The following SLC24A2 variants were observed in gnomAD, a reference collection of about 807,000 sequenced individuals.
SLC24A2 encodes the protein solute carrier family 24 member 2.
SLC24A2 carries 36 observed loss-of-function variants against 62.0 expected under a neutral mutation model. The ratio of observed to expected loss-of-function variants is 0.58; its 90% CI spans 0.44 to 0.77. The LOEUF is 0.77. Among genes scored for constraint, SLC24A2 ranks in the 30% least tolerant of loss-of-function variants. The pLI, the probability that SLC24A2 is intolerant of heterozygous loss-of-function variation, is 0.00. For missense variants in SLC24A2, 846 were observed against 817.9 expected, an observed-to-expected ratio of 1.03 and a Z score of -0.42; for synonymous variants, 358 against 294.0, an observed-to-expected ratio of 1.22 and a Z score of -2.23.
chr9:19,755,825 G>A (rs1271388473), intron 2 of SLC24A2, among the ~76,000 whole-genome samples: 1 of 152,114 alleles, frequency 6.6e-6, no homozygotes, highest in Non-Finnish European at 1.5e-5. Context: ...TTGTCACCTG[G>A]TTATTATAAT....
chr9:19,786,391 G>A lies in SLC24A2; in HGVS notation c.476C>T (p.Pro159Leu). The change falls in exon 2 of 11, where the codon CCT (proline) becomes CTT (leucine). Residue 159 changes from proline (P) to leucine (L), a missense_variant. By Grantham distance (98) the Pro-to-Leu change is moderately conservative. Transcript: ENST00000341998. The surrounding 1 kb of genome is among the most constrained non-coding windows in gnomAD (Gnocchi z 5.0). Reference protein sequence around the residue: ...LAIVCDEFFVPSLTVITEKLG... With the variant: ...LAIVCDEFFVLSLTVITEKLG... ...TTTTTCAGTGATGACAGTCAAAGAA[G>A]GAACAAAGAACTCATCACAGACAAT... is the stretch of plus-strand genomic sequence containing the variant. 6.2e-7 allele frequency: 1 copy of A among 1,614,180 alleles called. No homozygotes were observed. Among genetic ancestry groups the A allele is most frequent in the Non-Finnish European group, 8.5e-7 (1 of 1,180,042 alleles).
chr9:20,088,874 T>C, the SLC24A2 span, among the ~76,000 whole-genome samples: 2 of 152,200 alleles, frequency 1.3e-5, no homozygotes, highest in Non-Finnish European at 2.9e-5. Context: ...CCATCTTTGC[T>C]GTTTCACAGC....
At chr9:20,285,554 T>C in the SLC24A2 span, among the ~76,000 whole-genome samples, 1 of 152,176 alleles carries the variant, frequency 6.6e-6, no homozygotes, top group East Asian at 1.9e-4. Context: ...TTGTTCTACT[T>C]AGGCCTTTAA....
the SLC24A2 span, among the ~76,000 whole-genome samples, chr9:20,234,334 T>G: frequency 3.3e-5 from 5 of 152,238 alleles, no homozygotes; most frequent in African/African-American, 1.2e-4. Context: ...TCCAACTTGG[T>G]TCCATTCTCC....
upstream of SLC24A2, among the ~76,000 whole-genome samples, chr9:19,791,150 G>T (rs1179169777): frequency 1.3e-5 from 2 of 152,218 alleles, no homozygotes; most frequent in African/African-American, 4.8e-5. Flanking sequence ...TGCTATCTGG[G>T]AACCCAGATC....
At chr9:19,835,869 AAACT>A in the SLC24A2 span, among the ~76,000 whole-genome samples, 339 of 152,364 alleles carry the variant, frequency 2.2e-3, 2 homozygotes, top group African/African-American at 7.7e-3. Context: ...AAATTACAAC[AAACT>A]GTCTCTTAGA....
the SLC24A2 span, among the ~76,000 whole-genome samples, chr9:20,042,805 AC>A: frequency 6.6e-6 from 1 of 152,084 alleles, no homozygotes; most frequent in Non-Finnish European, 1.5e-5. Flanking sequence ...AATATTTCAA[AC>A]TTTTTCATTA....
At chr9:20,007,828 T>C in the SLC24A2 span, among the ~76,000 whole-genome samples, 1 of 148,636 alleles carries the variant, frequency 6.7e-6, no homozygotes, top group African/African-American at 2.5e-5. Context: ...TTTAAGAGAC[T>C]TGCACAGGTG....
chr9:19,677,920 A>G (rs1055635129), intron 2 of SLC24A2, among the ~76,000 whole-genome samples: 4 of 152,086 alleles, frequency 2.6e-5, no homozygotes, highest in Non-Finnish European at 5.9e-5. Context: ...ATAAACACAC[A>G]CACACAAGCA....
intron 2 of SLC24A2, among the ~76,000 whole-genome samples, chr9:19,676,609 A>T (rs1208808278): frequency 1.3e-5 from 2 of 152,200 alleles, no homozygotes; most frequent in East Asian, 1.9e-4. Context: ...AGAGTTTTTC[A>T]TTAAAAATTA....
At chr9:19,727,981 G>A (rs1046841520) in intron 2 of SLC24A2, among the ~76,000 whole-genome samples, 2 of 152,150 alleles carry the variant, frequency 1.3e-5, no homozygotes, top group African/African-American at 4.8e-5. Context: ...GCTCTGGGAG[G>A]TCAGTGTTAT....
At chr9:19,951,071 G>C in the SLC24A2 span, among the ~76,000 whole-genome samples, 1 of 152,138 alleles carries the variant, frequency 6.6e-6, no homozygotes, top group Non-Finnish European at 1.5e-5. Context: ...CAGGTAAGGG[G>C]CTCCTCCATC....
the SLC24A2 span, among the ~76,000 whole-genome samples, chr9:20,011,433 T>A: frequency 2.0e-5 from 3 of 152,124 alleles, no homozygotes; most frequent in African/African-American, 7.2e-5. Context: ...TCAAAAGACA[T>A]TTTCAACAGC....
At chr9:20,099,800 T>C in the SLC24A2 span, among the ~76,000 whole-genome samples, 7 of 152,138 alleles carry the variant, frequency 4.6e-5, no homozygotes, top group East Asian at 1.4e-3. Flanking sequence ...ATAGCTGCAA[T>C]ACATAAGGCC....
At chr9:20,266,239 G>A in the SLC24A2 span, among the ~76,000 whole-genome samples, 1 of 152,132 alleles carries the variant, frequency 6.6e-6, no homozygotes, top group African/African-American at 2.4e-5. Context: ...TGCTGGTTTT[G>A]TGGGTTGTGG....
upstream of SLC24A2, among the ~76,000 whole-genome samples, chr9:19,793,375 G>A (rs1823342968): frequency 6.6e-6 from 1 of 152,220 alleles, no homozygotes. Flanking sequence ...TAAAGCTTCA[G>A]CTTGGAAGTG....
chr9:19,832,569 A>T, the SLC24A2 span, among the ~76,000 whole-genome samples: 4 of 152,204 alleles, frequency 2.6e-5, no homozygotes, highest in Admixed American at 2.6e-4. Flanking sequence ...TCCCTTCCTT[A>T]CACCTTATAC....
At chr9:20,204,109 C>T in the SLC24A2 span, among the ~76,000 whole-genome samples, 2 of 152,048 alleles carry the variant, frequency 1.3e-5, no homozygotes, top group Non-Finnish European at 2.9e-5. Context: ...TAATGAACTC[C>T]TAAAAGCCAA....
At chr9:20,263,507 C>T in the SLC24A2 span, among the ~76,000 whole-genome samples, 2 of 152,248 alleles carry the variant, frequency 1.3e-5, no homozygotes, top group Middle Eastern at 3.4e-3. Flanking sequence ...CCTCGGCCCC[C>T]CAAAAGCGTT....
Sources: allele counts gnomAD v4.1 joint callset (sites outside exome capture counted in the v4.1 genomes callset), GRCh38; gene constraint gnomAD v4.1.1; non-coding constraint Gnocchi (gnomAD v3.1); transcripts MANE v1.5; gene names NCBI Gene and HGNC (gene_info 2026-07-23, HGNC 2026-07-21).